ZDHHC15: variants seen among roughly 807,000 people sequenced by gnomAD.
The protein encoded by ZDHHC15 is zDHHC palmitoyltransferase 15, also known as palmitoyltransferase ZDHHC15.
ZDHHC15 carries 19 observed loss-of-function variants against 31.7 expected under a neutral mutation model. That is an observed-to-expected ratio of 0.60 (90% CI 0.42 to 0.88). The LOEUF (loss-of-function observed/expected upper bound fraction) is 0.88. Among genes scored for constraint, ZDHHC15 ranks in the 40% least tolerant of loss-of-function variants. The pLI is 0.00. For missense variants in ZDHHC15, 209 were observed against 251.2 expected (o/e 0.83, Z 1.14); for synonymous variants, 103 against 90.0 (o/e 1.14, Z -0.82).
At position 75,450,202 on chromosome X, in the gene ZDHHC15, T is replaced by C. The variant is rs182352755; in HGVS notation, c.379+600A>G. 1.6e-4 allele frequency among the ~76,000 whole-genome samples: 18 copies of C among 112,032 alleles called. No individual in the cohort carries two copies. In the East Asian group the frequency reaches 5.1e-3, roughly 32 times the overall value. On this transcript the variant is annotated intron_variant, in intron 4 of 11. Coordinates refer to ENST00000373367, the MANE Select transcript of ZDHHC15 (RefSeq NM_144969.3). ...AAGAGTATGTACTCTGTGATTCCAA[T>C]TATATAAAATTTGAGAGCAGACAAA...
At chrX:75,441,655 G>A (rs771736811) in intron 4 of ZDHHC15, among the ~76,000 whole-genome samples, 1 of 98,258 alleles carries the variant, frequency 1.0e-5, no homozygotes, top group African/African-American at 3.8e-5. Flanking sequence ...ACAGAGTCTC[G>A]CTCTGTCGCC....
At chrX:75,495,282 C>T (rs747073568) in intron 2 of ZDHHC15, among the ~76,000 whole-genome samples, 1 of 111,651 alleles carries the variant, frequency 9.0e-6, no homozygotes, top group South Asian at 3.8e-4. Flanking sequence ...CAGGAAACAA[C>T]AGGTGCTGGA....
At chrX:75,420,699 C>G (rs1453337175) in intron 9 of ZDHHC15, among the ~76,000 whole-genome samples, 2 of 111,020 alleles carry the variant, frequency 1.8e-5, no homozygotes, top group Non-Finnish European at 3.8e-5. Flanking sequence ...CAAACTAATA[C>G]AAGAACAGAA....
chrX:75,407,245 G>T (rs1010718005), intron 10 of ZDHHC15, among the ~76,000 whole-genome samples: 1 of 110,165 alleles, frequency 9.1e-6, no homozygotes, highest in South Asian at 3.9e-4. Flanking sequence ...GGTGAGGAGC[G>T]TCTCTGCCCA....
rs764797846 is a variant in ZDHHC15, at chrX:75,409,272, A to G, written c.967+7815T>C. Among the ~76,000 whole-genome samples, 14 of 110,564 alleles carry G rather than the reference A, an allele frequency of 1.3e-4. No individual in the cohort carries two copies. In the South Asian group the frequency reaches 5.4e-3, roughly 43 times the overall value. ...TTTGGGAGACTCAGGTGGGCAGATC[A>G]CTTGAGGCCGGGAGTTTGAGACCAG... is the stretch of plus-strand genomic sequence containing the variant. On this transcript the variant is annotated intron_variant, in intron 10 of 11. Transcript: ENST00000373367.
chrX:75,437,047 A>G (rs2083862560), intron 4 of ZDHHC15, among the ~76,000 whole-genome samples: 1 of 109,689 alleles, frequency 9.1e-6, no homozygotes, highest in Non-Finnish European at 1.9e-5. Flanking sequence ...ATGCCCGGCT[A>G]ATTTTTTGTG....
chrX:75,432,991 A>C (rs755097077), intron 4 of ZDHHC15, among the ~76,000 whole-genome samples: 1 of 102,358 alleles, frequency 9.8e-6, no homozygotes, highest in Admixed American at 1.0e-4. Context: ...TTCTAAAAAT[A>C]AAAAAAAAAA....
At chrX:75,397,004 G>T (rs892687911) in intron 10 of ZDHHC15, among the ~76,000 whole-genome samples, 1 of 110,831 alleles carries the variant, frequency 9.0e-6, no homozygotes, top group African/African-American at 3.3e-5. Flanking sequence ...TGGTGTTTGG[G>T]GGTCGGGGAA....
chrX:75,403,839 A>G (rs1010453952), intron 10 of ZDHHC15, among the ~76,000 whole-genome samples: 4 of 112,078 alleles, frequency 3.6e-5, no homozygotes, highest in Non-Finnish European at 5.6e-5. Context: ...ATTCCTATCA[A>G]ATTACCAGTG....
At position 75,375,769 on chromosome X, in the gene ZDHHC15, A is replaced by G. The variant is rs763952187; in HGVS notation, c.*33-2824T>C. On this transcript the variant is annotated intron_variant, in intron 11 of 11. Coordinates refer to ENST00000373367, the MANE Select transcript of ZDHHC15 (RefSeq NM_144969.3). Reference sequence around the variant, plus strand: ...TATTTTTTATGGCTGTGTAGTATCCATCATATACATGTACCACATTTTCTT... The same window carrying G: ...TATTTTTTATGGCTGTGTAGTATCCGTCATATACATGTACCACATTTTCTT... 2.6e-4 allele frequency among the ~76,000 whole-genome samples: 29 copies of G among 112,277 alleles called. No homozygotes were observed. In the South Asian group the frequency reaches 0.01, roughly 40 times the overall value.
intron 9 of ZDHHC15, among the ~76,000 whole-genome samples, chrX:75,418,552 C>T (rs958426577): frequency 2.7e-5 from 3 of 111,782 alleles, no homozygotes; most frequent in Admixed American, 9.6e-5. Flanking sequence ...GACCTACAAC[C>T]GCAAATTAAA....
intron 10 of ZDHHC15, among the ~76,000 whole-genome samples, chrX:75,411,763 T>C (rs757550528): frequency 9.9e-5 from 11 of 111,475 alleles, no homozygotes; most frequent in African/African-American, 3.6e-4. Flanking sequence ...GGTTTCCTCA[T>C]AGTGATACAT....
At chrX:75,519,848 G>A (rs1372952085) in intron 1 of ZDHHC15, among the ~76,000 whole-genome samples, 1 of 111,890 alleles carries the variant, frequency 8.9e-6, no homozygotes, top group Admixed American at 9.5e-5. Context: ...TGGCAGGAGG[G>A]ACTGGTTCAG....
chrX:75,471,192 C>G (rs149589538), intron 3 of ZDHHC15, among the ~76,000 whole-genome samples: 2,699 of 112,356 alleles, frequency 0.024, 34 homozygotes, highest in Non-Finnish European at 0.041. Context: ...ATAAGGCCCA[C>G]CAGAAGCAAT....
chrX:75,419,089 A>C (rs1015641125), intron 9 of ZDHHC15, among the ~76,000 whole-genome samples: 2 of 111,747 alleles, frequency 1.8e-5, no homozygotes, highest in African/African-American at 6.5e-5. Flanking sequence ...AGAATCTACA[A>C]ATAACTTAAA....
rs769592416 is a variant in ZDHHC15, at chrX:75,429,935, C to G, written c.482+13G>C. 1 of 1,207,510 alleles carries G rather than the reference C, an allele frequency of 8.3e-7. No homozygotes were observed. The highest frequency in any genetic ancestry group is 2.2e-5 in the Admixed American group (1 of 45,607). ...ACCCCTTTAGAGGAGAGAAATGAAT[C>G]AAACAGACATACCAAGGGCAGTGAT... On this transcript the variant is annotated intron_variant, in intron 6 of 11. Coordinates refer to ENST00000373367, the MANE Select transcript of ZDHHC15 (RefSeq NM_144969.3).
Position 75,443,565 on chromosome X carries a change from C to T in ZDHHC15, c.379+7237G>A, listed in dbSNP as rs773998906. On this transcript the variant is annotated intron_variant, in intron 4 of 11. Coordinates refer to ENST00000373367, the MANE Select transcript of ZDHHC15 (RefSeq NM_144969.3). The stretch of plus-strand genomic sequence containing the variant: ...TTCAGGACATAGGCATGGTCAAAGA[C>T]CTCATGTCTAAAACACCAAAAGCAA... Among the ~76,000 whole-genome samples the T allele has an allele frequency of 2.7e-5, 3 of 111,986 alleles. No homozygotes were observed. The South Asian group carries it at 1.1e-3, about 42-fold the overall frequency.
intron 4 of ZDHHC15, among the ~76,000 whole-genome samples, chrX:75,442,985 CAAAAAA>C (rs1321633891): frequency 2.3e-5 from 1 of 43,896 alleles, no homozygotes; most frequent in Admixed American, 2.8e-4. Flanking sequence ...GACTCCGTCT[CAAAAAA>C]AAAAAAAAAA....
intron 3 of ZDHHC15, among the ~76,000 whole-genome samples, chrX:75,453,009 C>T (rs765351971): frequency 6.3e-5 from 7 of 111,278 alleles, no homozygotes; most frequent in Non-Finnish European, 1.1e-4. Context: ...CAAAAGCTAG[C>T]GGAAGTCAAG....
Sources: gnomAD v4.1 joint callset for allele counts (sites outside exome capture counted in the v4.1 genomes callset) on GRCh38, gnomAD v4.1.1 for gene constraint, MANE v1.5 for transcripts, NCBI Gene and HGNC (gene_info 2026-07-23, HGNC 2026-07-21) for gene names.